Variants in CACNA1B observed in about 807,000 individuals in gnomAD.
CACNA1B encodes voltage-dependent N-type calcium channel subunit alpha-1B.
In CACNA1B, 70 loss-of-function variants were observed where a neutral mutation model predicts 247.2. That is an observed-to-expected ratio of 0.28 (90% CI 0.23 to 0.35). The LOEUF (loss-of-function observed/expected upper bound fraction) is 0.35, where lower values mean the gene tolerates loss of function less well. Ranked by LOEUF, CACNA1B falls within the 10% of genes least tolerant of loss-of-function variation. CACNA1B has a pLI of 1.00. For synonymous variants in CACNA1B, 1,231 were observed against 1,294.4 expected, an observed-to-expected ratio of 0.95 and a Z score of 1.05; for missense variants, 2,367 against 3,197.4, an observed-to-expected ratio of 0.74 and a Z score of 6.26.
In CACNA1B at chr9:137,881,020, G is replaced by A. The variant is rs1481230560; in HGVS notation, c.391-1724G>A. Among the ~76,000 whole-genome samples the A allele has an allele frequency of 1.6e-4, 25 of 152,262 alleles. No homozygotes were observed. Among genetic ancestry groups the A allele is most frequent in the Admixed American group, 1.6e-3 (25 of 15,292 alleles). ...CTTCAGCCATGGGCTGGGCAGGGCA[G>A]AGCTGTGAGGAGAGGGCTCGGGCTG... On this transcript the variant is annotated intron_variant, in intron 2 of 46. Coordinates refer to ENST00000371372, the MANE Select transcript of CACNA1B (RefSeq NM_000718.4). This position sits in a 1 kb window ranked among gnomAD's most constrained non-coding sequence, Gnocchi z 4.3.
intron 20 of CACNA1B, among the ~76,000 whole-genome samples, chr9:138,039,801 G>A (rs1021860849): frequency 1.3e-5 from 2 of 151,872 alleles, no homozygotes; most frequent in African/African-American, 2.4e-5. Flanking sequence ...GTGCTTCCGA[G>A]GGATATGTTT....
intron 15 of CACNA1B, among the ~76,000 whole-genome samples, chr9:137,991,070 T>G (rs1331010567): frequency 1.3e-5 from 2 of 152,188 alleles, no homozygotes; most frequent in Non-Finnish European, 2.9e-5. Context: ...TTACCAGCAA[T>G]GGATCCAAAC....
intron 18 of CACNA1B, among the ~76,000 whole-genome samples, chr9:138,016,063 C>T (rs1449806822): frequency 3.9e-5 from 6 of 152,070 alleles, no homozygotes; most frequent in Non-Finnish European, 5.9e-5. Context: ...CTCACACAGA[C>T]ACACACACAC....
chr9:138,108,656 T>TC (rs1961520943), intron 39 of CACNA1B, among the ~76,000 whole-genome samples: 1 of 152,132 alleles, frequency 6.6e-6, no homozygotes, highest in South Asian at 2.1e-4. Context: ...AACTGAATTT[T>TC]TTTTTTTTTT....
At chr9:138,087,786 C>T (rs1028846278) in intron 36 of CACNA1B, among the ~76,000 whole-genome samples, 1 of 131,550 alleles carries the variant, frequency 7.6e-6, no homozygotes, top group Non-Finnish European at 1.7e-5. Context: ...AAAATAGAAA[C>T]ACATGTCATG....
chr9:138,027,019 A>C (rs1221754055), intron 20 of CACNA1B, among the ~76,000 whole-genome samples: 1 of 152,196 alleles, frequency 6.6e-6, no homozygotes, highest in African/African-American at 2.4e-5. Flanking sequence ...ATGACATATG[A>C]CGTTGAGCAT....
chr9:138,071,100 T>G (rs1960117576), intron 32 of CACNA1B, among the ~76,000 whole-genome samples: 1 of 152,372 alleles, frequency 6.6e-6, no homozygotes, highest in Non-Finnish European at 1.5e-5. Flanking sequence ...CCTGCAGTGC[T>G]AAGAGCAATT....
Position 137,975,916 on chromosome 9 carries a change from A to C in CACNA1B, c.1553A>C (p.Glu518Ala), listed in dbSNP as rs759503383. ...RRLTTTLYFA[E>A]FVFLGLFLTE... Reference sequence around the variant, plus strand: ...CTCCGGCTTCTCCTAGATTTTGCAGAGTTTGTTTTCCTGGGTCTCTTCCTC... The same window carrying C: ...CTCCGGCTTCTCCTAGATTTTGCAGCGTTTGTTTTCCTGGGTCTCTTCCTC... Residue 518 changes from glutamate to alanine, a missense_variant, in exon 12 of 47, where the codon GAG (glutamate) becomes GCG (alanine). Transcript: ENST00000371372. The C allele has an allele frequency of 6.2e-7, 1 of 1,608,444 alleles. No homozygotes were observed.
At chr9:137,976,667 G>C (rs1042937191) in intron 12 of CACNA1B, among the ~76,000 whole-genome samples, 7 of 148,184 alleles carry the variant, frequency 4.7e-5, no homozygotes, top group African/African-American at 1.5e-4. Context: ...TGAGCACAGA[G>C]GGCAGGGCAG....
At chr9:138,017,148 G>C (rs1370904336) in intron 18 of CACNA1B, 1 of 519,080 alleles carries the variant, frequency 1.9e-6, no homozygotes, top group Non-Finnish European at 3.8e-6. Flanking sequence ...GTTTTGTAAA[G>C]CAAGCTCGAG....
chr9:137,911,452 G>A (rs1256240227), intron 3 of CACNA1B, among the ~76,000 whole-genome samples: 1 of 152,084 alleles, frequency 6.6e-6, no homozygotes, highest in Admixed American at 6.5e-5. Context: ...GTCTCGCTCT[G>A]TAGCCCAGAC....
intron 6 of CACNA1B, among the ~76,000 whole-genome samples, chr9:137,934,218 T>G (rs1957638731): frequency 6.6e-6 from 1 of 152,194 alleles, no homozygotes; most frequent in African/African-American, 2.4e-5. Flanking sequence ...AGCTTCAGGT[T>G]CCAGGTCCAG....
chr9:137,938,064 C>T (rs964146499), intron 6 of CACNA1B, among the ~76,000 whole-genome samples: 53 of 151,466 alleles, frequency 3.5e-4, no homozygotes, highest in African/African-American at 1.0e-3. Context: ...AGCAGATTTC[C>T]CAACAGAAAC....
At chr9:137,916,596 C>T (rs1957413794) in intron 5 of CACNA1B, among the ~76,000 whole-genome samples, 1 of 152,246 alleles carries the variant, frequency 6.6e-6, no homozygotes, top group Non-Finnish European at 1.5e-5. Flanking sequence ...TCCAGATCAT[C>T]CTGCCTGACA....
chr9:138,062,188 C>T (rs1959748898), intron 31 of CACNA1B, among the ~76,000 whole-genome samples: 1 of 152,192 alleles, frequency 6.6e-6, no homozygotes, highest in Non-Finnish European at 1.5e-5. Flanking sequence ...ATCCTCAGCA[C>T]AGGCAACTTG....
Position 137,917,100 on chromosome 9 carries a change from G to T in CACNA1B, c.776-141G>T. On this transcript the variant is annotated intron_variant, in intron 5 of 46. Transcript: ENST00000371372. The surrounding 1 kb of genome is among the most constrained non-coding windows in gnomAD (Gnocchi z 5.5). ...CCTGATGCAGATTCGAGGAGGGATG[G>T]TGGGAAGTTGAGGGAGAGTTTCTGT... 1 of 697,912 alleles carries T rather than the reference G, an allele frequency of 1.4e-6. No individual in the cohort carries two copies. Among genetic ancestry groups the T allele is most frequent in the Non-Finnish European group, 2.4e-6 (1 of 421,326 alleles). 43.2% of individuals were successfully genotyped at this position (697,912 alleles called of 1,614,324 possible).
intron 31 of CACNA1B, among the ~76,000 whole-genome samples, chr9:138,063,600 C>T (rs1403318703): frequency 6.6e-6 from 1 of 152,230 alleles, no homozygotes; most frequent in African/African-American, 2.4e-5. Flanking sequence ...TGCTTCTGAC[C>T]CTGCTTAGCA....
chr9:137,894,030 GC>G (rs1957141408), intron 3 of CACNA1B, among the ~76,000 whole-genome samples: 1 of 152,194 alleles, frequency 6.6e-6, no homozygotes, highest in African/African-American at 2.4e-5. Flanking sequence ...CTTTGGATTT[GC>G]CTTTTTCACC....
chr9:138,104,115 G>A (rs768732066), intron 38 of CACNA1B, among the ~76,000 whole-genome samples: 1 of 152,254 alleles, frequency 6.6e-6, no homozygotes, highest in Non-Finnish European at 1.5e-5. Flanking sequence ...GACCAAGGGA[G>A]GCCTCAGGGT....
Sources: allele counts gnomAD v4.1 joint callset (sites outside exome capture counted in the v4.1 genomes callset), GRCh38; gene constraint gnomAD v4.1.1; non-coding constraint Gnocchi (gnomAD v3.1); transcripts MANE v1.5; gene names NCBI Gene and HGNC (gene_info 2026-07-23, HGNC 2026-07-21).